RANGAP1: variants seen among roughly 807,000 people sequenced by gnomAD.
The protein encoded by RANGAP1 is Ran GTPase activating protein 1.
A neutral mutation model predicts 63.5 loss-of-function variants in RANGAP1; 38 were observed. That is an observed-to-expected ratio of 0.60 (90% CI 0.46 to 0.78). RANGAP1 has a LOEUF of 0.78. Among genes scored for constraint, RANGAP1 ranks in the 30% least tolerant of loss-of-function variants. RANGAP1 has a pLI of 0.00. For missense variants in RANGAP1, 630 were observed against 740.3 expected (o/e 0.85, Z 1.73); for synonymous variants, 329 against 310.5 (o/e 1.06, Z -0.63).
chr22:41,248,512 G>A (rs1239144869), intron 15 of RANGAP1, among the ~76,000 whole-genome samples: 1 of 152,224 alleles, frequency 6.6e-6, no homozygotes, highest in Non-Finnish European at 1.5e-5. Context: ...GTGGGCTCTG[G>A]GCTCCCCCAG....
intron 6 of RANGAP1, 144 bp downstream of exon 6, chr22:41,261,302 T>G (rs867607828): frequency 4.0e-6 from 5 of 1,252,546 alleles, no homozygotes; most frequent in African/African-American, 1.5e-5. Context: ...CATTTTCGGA[T>G]GGGTTAACAG....
At chr22:41,282,746 GC>G (rs1336989411) in intron 1 of RANGAP1, among the ~76,000 whole-genome samples, 1 of 152,214 alleles carries the variant, frequency 6.6e-6, no homozygotes, top group Non-Finnish European at 1.5e-5. Flanking sequence ...ATAAATTGAA[GC>G]CAGCTATATT....
the RANGAP1 span, among the ~76,000 whole-genome samples, chr22:41,291,461 T>G: frequency 6.6e-6 from 1 of 151,332 alleles, no homozygotes; most frequent in Non-Finnish European, 1.5e-5. Flanking sequence ...AGCCAGGCAC[T>G]GTGGCACGTG....
intron 1 of RANGAP1, 99 bp downstream of exon 1, chr22:41,285,887 A>C (rs988874868): frequency 5.3e-6 from 1 of 188,056 alleles, no homozygotes; most frequent in Non-Finnish European, 9.9e-6. Flanking sequence ...AAGAAGGCCG[A>C]GGGGGCAGGC....
intron 11 of RANGAP1, among the ~76,000 whole-genome samples, chr22:41,253,322 G>A (rs117476274): frequency 2.0e-5 from 3 of 152,336 alleles, no homozygotes; most frequent in East Asian, 1.9e-4. Context: ...GCTAAAGTGG[G>A]TCCCCGTAGA....
At chr22:41,265,175 C>T (rs1464003698) in intron 4 of RANGAP1, among the ~76,000 whole-genome samples, 1 of 152,174 alleles carries the variant, frequency 6.6e-6, no homozygotes, top group Non-Finnish European at 1.5e-5. Context: ...AAGCATGAAG[C>T]AGCAGGCTGT....
At chr22:41,284,044 C>A (rs544156482) in intron 1 of RANGAP1, among the ~76,000 whole-genome samples, 2 of 151,486 alleles carry the variant, frequency 1.3e-5, no homozygotes, top group African/African-American at 4.9e-5. Context: ...GTCAGGAGAT[C>A]GAGACCATCC....
At chr22:41,246,776 C>T (rs1018627481) in intron 15 of RANGAP1, 104 bp from the exon 16 acceptor site, 48 of 1,098,330 alleles carry the variant, frequency 4.4e-5, no homozygotes, top group Middle Eastern at 3.9e-4. Context: ...ATTTGCACAA[C>T]GACTCAGCAA....
chr22:41,248,789 A>G (rs1193478715), intron 15 of RANGAP1, among the ~76,000 whole-genome samples: 1 of 152,204 alleles, frequency 6.6e-6, no homozygotes, highest in African/African-American at 2.4e-5. Flanking sequence ...GGGACACCCC[A>G]GGACCCTCCA....
intron 11 of RANGAP1, 84 bp from the exon 12 acceptor site, chr22:41,253,075 C>A: frequency 7.8e-7 from 1 of 1,289,956 alleles, no homozygotes; most frequent in Non-Finnish European, 1.0e-6. Flanking sequence ...ACACCCAGCA[C>A]ATCCACCCTT....
rs1461707781 is a variant in RANGAP1, at chr22:41,257,890, A to T, written c.774+58T>A. On this transcript the variant is annotated intron_variant, in intron 7 of 15. Coordinates refer to ENST00000356244, the MANE Select transcript of RANGAP1 (RefSeq NM_002883.4). This position sits in a 1 kb window ranked among gnomAD's most constrained non-coding sequence, Gnocchi z 4.0. ...AAACGGAGCCCCAGCTTCCCTGGAA[A>T]GACAGCAGCCAGCCTCTATCTGGCG... The T allele has an allele frequency of 7.9e-6, 12 of 1,526,462 alleles. No individual in the cohort carries two copies. The highest frequency in any genetic ancestry group is 2.1e-4 in the Middle Eastern group (1 of 4,752). The allele number at this position is 1,526,462 out of a possible 1,614,324, so 94.6% of individuals were successfully genotyped here. A position where few individuals can be genotyped will look rare whatever the true frequency, so the allele number is the denominator to read the frequency against.
chr22:41,261,607 T>A, intron 5 of RANGAP1, 27 bp from the exon 6 acceptor site: 2 of 1,614,032 alleles, frequency 1.2e-6, no homozygotes, highest in South Asian at 2.2e-5. Flanking sequence ...GGGGCCCTGG[T>A]CATGGGCAGG....
the RANGAP1 span, among the ~76,000 whole-genome samples, chr22:41,293,855 C>T: frequency 6.6e-6 from 1 of 151,610 alleles, no homozygotes; most frequent in African/African-American, 2.4e-5. Context: ...TATGGGGTCT[C>T]ACTATGTTGC....
At chr22:41,275,529 C>G (rs1344591858) in intron 2 of RANGAP1, among the ~76,000 whole-genome samples, 1 of 151,760 alleles carries the variant, frequency 6.6e-6, no homozygotes, top group Non-Finnish European at 1.5e-5. Flanking sequence ...GCCTGTAATC[C>G]CAGCATTTTG....
At chr22:41,279,128 G>A (rs1441688772) in intron 2 of RANGAP1, among the ~76,000 whole-genome samples, 2 of 151,938 alleles carry the variant, frequency 1.3e-5, no homozygotes, top group African/African-American at 4.8e-5. Flanking sequence ...GGGTAACAGA[G>A]CGAGACTCCG....
At chr22:41,261,637 G>T (rs1176036102) in intron 5 of RANGAP1, 57 bp from the exon 6 acceptor site, 4 of 1,609,906 alleles carry the variant, frequency 2.5e-6, no homozygotes, top group South Asian at 1.1e-5. Flanking sequence ...TCCCAGCGGG[G>T]TGGCCACTGC....
At chr22:41,272,834 A>T (rs779385529) in intron 3 of RANGAP1, among the ~76,000 whole-genome samples, 1 of 149,402 alleles carries the variant, frequency 6.7e-6, no homozygotes, top group Non-Finnish European at 1.5e-5. Context: ...TTTTTTTGAG[A>T]CAGGGTCTTG....
In RANGAP1 at chr22:41,278,038, G is replaced by GTTT. The variant is rs376152766; in HGVS notation, c.112+2892_112+2894dup. Among the ~76,000 whole-genome samples, 35 of 132,186 alleles carry GTTT rather than the reference G, an allele frequency of 2.6e-4. 1 individual carries two copies. The highest frequency in any genetic ancestry group is 5.3e-4 in the African/African-American group (19 of 35,640). The allele number at this position is 132,186 out of a possible 152,430, so 86.7% of individuals were successfully genotyped here. On this transcript the variant is annotated intron_variant, in intron 2 of 15. Transcript: ENST00000356244. ...GGATTTCAGAGCCAGCCAAACTTGA[G>GTTT]TTTTTTTTTTTTTTTTTTGAGATAG...
chr22:41,293,571 G>A, the RANGAP1 span, among the ~76,000 whole-genome samples: 1 of 151,348 alleles, frequency 6.6e-6, no homozygotes, highest in African/African-American at 2.4e-5. Flanking sequence ...CAGGTCAGGA[G>A]ATCGAAACCA....
Sources: allele counts gnomAD v4.1 joint callset (sites outside exome capture counted in the v4.1 genomes callset), GRCh38; gene constraint gnomAD v4.1.1; non-coding constraint Gnocchi (gnomAD v3.1); transcripts MANE v1.5; gene names NCBI Gene and HGNC (gene_info 2026-07-23, HGNC 2026-07-21).